The following SATB2 variants were observed in gnomAD, a reference collection of about 807,000 sequenced individuals.
SATB2 encodes DNA-binding protein SATB2.
In SATB2, 1 loss-of-function variant was observed where a neutral mutation model predicts 73.4. The observed-to-expected ratio is 0.01, with a 90% CI of 0.00 to 0.06. The LOEUF (loss-of-function observed/expected upper bound fraction) is 0.06, where lower values mean the gene tolerates loss of function less well. Among genes scored for constraint, SATB2 ranks in the 10% least tolerant of loss-of-function variants. The pLI, the probability that SATB2 is intolerant of heterozygous loss-of-function variation, is 1.00. For synonymous variants in SATB2, 397 were observed against 367.0 expected (o/e 1.08, Z -0.93); for missense variants, 459 against 945.8 (o/e 0.49, Z 6.75).
At chr2:199,371,815 C>T (rs1046964560) in intron 5 of SATB2, among the ~76,000 whole-genome samples, 1 of 152,118 alleles carries the variant, frequency 6.6e-6, no homozygotes, top group African/African-American at 2.4e-5. Context: ...CAAAGCAATA[C>T]TAATACAAAT....
intron 10 of SATB2, among the ~76,000 whole-genome samples, chr2:199,282,003 TC>T (rs892552670): frequency 1.3e-5 from 2 of 151,534 alleles, no homozygotes; most frequent in African/African-American, 4.9e-5. Flanking sequence ...TGCCTCAGCC[TC>T]CCGAGTAGCT....
At chr2:199,355,185 CAT>C (rs960530033) in intron 6 of SATB2, among the ~76,000 whole-genome samples, 23 of 149,990 alleles carry the variant, frequency 1.5e-4, no homozygotes, top group African/African-American at 4.7e-4. Flanking sequence ...CACACACACA[CAT>C]ATACACACTA....
intron 9 of SATB2, among the ~76,000 whole-genome samples, chr2:199,311,531 T>C (rs1355729951): frequency 6.6e-6 from 1 of 152,164 alleles, no homozygotes; most frequent in Admixed American, 6.5e-5. Context: ...AAGAGCCTTA[T>C]AGTAGCACAA....
chr2:199,321,563 CA>C (rs1432478916), intron 9 of SATB2, among the ~76,000 whole-genome samples: 1 of 151,072 alleles, frequency 6.6e-6, no homozygotes, highest in Non-Finnish European at 1.5e-5. Context: ...TACACACATA[CA>C]CACACATGTA....
chr2:199,346,482 C>T (rs1445606351), intron 7 of SATB2, among the ~76,000 whole-genome samples: 2 of 152,200 alleles, frequency 1.3e-5, no homozygotes, highest in East Asian at 1.9e-4. Flanking sequence ...ATTAATCATA[C>T]GACAATTTCA....
At chr2:199,364,602 T>C (rs952711694) in intron 6 of SATB2, among the ~76,000 whole-genome samples, 1 of 152,150 alleles carries the variant, frequency 6.6e-6, no homozygotes, top group Non-Finnish European at 1.5e-5. Flanking sequence ...CTGGCCAAAA[T>C]ACAGGGTTTG....
At chr2:199,440,182 T>C (rs960573519) in intron 2 of SATB2, among the ~76,000 whole-genome samples, 1 of 152,144 alleles carries the variant, frequency 6.6e-6, no homozygotes, top group Non-Finnish European at 1.5e-5. Flanking sequence ...GAATAGGGTG[T>C]TTCTCACCTC....
upstream of SATB2, chr2:199,458,551 A>G (rs990405838): frequency 5.6e-6 from 2 of 357,078 alleles, no homozygotes; most frequent in Non-Finnish European, 5.4e-6. Flanking sequence ...TGGCGGGTCC[A>G]GGGCGCGGCC....
rs546083677 is a variant in SATB2, at chr2:199,464,164, C to A, written c.-141+672G>T. ...GAATCCCCTCGGACACCGTTTCAGT[C>A]CGTCAAGACCTTGGCCTCCGGGAAA... On this transcript the variant is annotated intron_variant, in intron 1 of 11. Coordinates refer to the SATB2 transcript ENST00000260926. This position sits in a 1 kb window ranked among gnomAD's most constrained non-coding sequence, Gnocchi z 6.6. Among the ~76,000 whole-genome samples, 7 of 152,308 alleles carry A rather than the reference C, an allele frequency of 4.6e-5. No individual in the cohort carries two copies. In the South Asian group the frequency reaches 1.2e-3, roughly 27 times the overall value.
intron 3 of SATB2, among the ~76,000 whole-genome samples, chr2:199,408,270 A>G (rs1230228321): frequency 2.0e-5 from 3 of 152,182 alleles, no homozygotes; most frequent in Non-Finnish European, 4.4e-5. Flanking sequence ...GGGCTATAAC[A>G]CTTGACTATA....
intron 3 of SATB2, among the ~76,000 whole-genome samples, chr2:199,388,887 A>T (rs774724790): frequency 2.0e-5 from 3 of 152,142 alleles, no homozygotes; most frequent in Non-Finnish European, 2.9e-5. Flanking sequence ...CATTGATTGC[A>T]TCTGTTTATC....
In SATB2 at chr2:199,463,483, G is replaced by A. The variant is rs1288947132; in HGVS notation, c.-141+1353C>T. Among the ~76,000 whole-genome samples, 1 of 152,186 alleles carries A rather than the reference G, an allele frequency of 6.6e-6. No individual in the cohort carries two copies. The highest frequency in any genetic ancestry group is 2.4e-5 in the African/African-American group (1 of 41,454). ...TGGCTGCGAAGAGCCCCGAGGCCTC[G>A]GCTTGGCGTCAATGTCCCGCCACCC... On this transcript the variant is annotated intron_variant, in intron 1 of 11. Coordinates refer to the SATB2 transcript ENST00000260926. The surrounding 1 kb of genome is among the most constrained non-coding windows in gnomAD (Gnocchi z 6.4).
intron 9 of SATB2, among the ~76,000 whole-genome samples, chr2:199,323,384 A>G (rs1021864581): frequency 2.0e-5 from 3 of 151,958 alleles, no homozygotes; most frequent in African/African-American, 4.8e-5. Flanking sequence ...ACAGAGTTGG[A>G]CATTCCCCTT....
intron 3 of SATB2, among the ~76,000 whole-genome samples, chr2:199,421,592 C>G (rs1307510860): frequency 6.6e-6 from 1 of 152,192 alleles, no homozygotes; most frequent in East Asian, 1.9e-4. Flanking sequence ...ACAGGACTGT[C>G]ATCGTGAAAC....
At chr2:199,425,723 A>G (rs1173020207) in intron 3 of SATB2, among the ~76,000 whole-genome samples, 2 of 152,316 alleles carry the variant, frequency 1.3e-5, no homozygotes, top group Admixed American at 1.3e-4. Context: ...TATTTATGCC[A>G]ACATAAACAA....
intron 9 of SATB2, among the ~76,000 whole-genome samples, chr2:199,317,336 G>A (rs563550182): frequency 2.2e-4 from 34 of 152,136 alleles, no homozygotes; most frequent in Non-Finnish European, 4.1e-4. Flanking sequence ...TTCTCCCACT[G>A]TAAGAACCAC....
intron 3 of SATB2, among the ~76,000 whole-genome samples, chr2:199,389,703 T>C (rs761299666): frequency 2.6e-5 from 4 of 152,184 alleles, no homozygotes; most frequent in Non-Finnish European, 5.9e-5. Context: ...AAAGTAGGTT[T>C]TACCTTTAAA....
intron 3 of SATB2, among the ~76,000 whole-genome samples, chr2:199,387,321 C>A (rs181316814): frequency 1.3e-5 from 2 of 152,270 alleles, no homozygotes; most frequent in African/African-American, 4.8e-5. Context: ...GAGAGGAGGG[C>A]CAGAGCACGT....
At chr2:199,284,321 A>C (rs1423663185) in intron 10 of SATB2, among the ~76,000 whole-genome samples, 1 of 152,212 alleles carries the variant, frequency 6.6e-6, no homozygotes, top group African/African-American at 2.4e-5. Flanking sequence ...TGATGTTATA[A>C]AGTTATGAAT....
Sources: allele counts gnomAD v4.1 joint callset (sites outside exome capture counted in the v4.1 genomes callset), GRCh38; gene constraint gnomAD v4.1.1; non-coding constraint Gnocchi (gnomAD v3.1); transcripts MANE v1.5; gene names NCBI Gene and HGNC (gene_info 2026-07-23, HGNC 2026-07-21).